Variants in REEP3 observed in about 807,000 individuals in gnomAD.
The protein encoded by REEP3 is receptor accessory protein 3.
In REEP3, 20 loss-of-function variants were observed where a neutral mutation model predicts 41.3. The observed-to-expected ratio is 0.48, with a 90% CI of 0.34 to 0.70. REEP3 has a LOEUF of 0.70. Among genes scored for constraint, REEP3 ranks in the 30% least tolerant of loss-of-function variants. The pLI is 0.01. For synonymous variants in REEP3, 104 were observed against 101.8 expected (o/e 1.02, Z -0.13); for missense variants, 271 against 308.8 (o/e 0.88, Z 0.92).
intron 6 of REEP3, among the ~76,000 whole-genome samples, chr10:63,611,459 G>T (rs1363116172): frequency 6.6e-6 from 1 of 152,118 alleles, no homozygotes; most frequent in Non-Finnish European, 1.5e-5. Context: ...TTATGAACAT[G>T]TCATAGTTAA....
intron 2 of REEP3, among the ~76,000 whole-genome samples, chr10:63,573,453 C>T (rs1046263966): frequency 3.9e-5 from 6 of 152,078 alleles, no homozygotes; most frequent in African/African-American, 1.4e-4. Flanking sequence ...TGTTCTTATT[C>T]TAAGAATGTT....
chr10:63,559,831 A>G (rs935836962), intron 1 of REEP3, among the ~76,000 whole-genome samples: 10 of 152,208 alleles, frequency 6.6e-5, no homozygotes, highest in African/African-American at 2.4e-4. Context: ...TCGTAGCATT[A>G]GTTAAAATAG....
rs1251182086 is a variant in REEP3 at position 63,521,421 on chromosome 10, G to A, written c.-125G>A. 8.6e-6 allele frequency: 3 copies of A among 347,654 alleles called. No individual in the cohort carries two copies. Among genetic ancestry groups the A allele is most frequent in the Non-Finnish European group, 1.3e-5 (3 of 233,138 alleles). 21.5% of individuals were successfully genotyped at this position (347,654 alleles called of 1,614,324 possible). ...CGCGCACACACCGGGCCCGGCTCCTGAGGGCGCCAGCGCGGCCCCGGGGAG... is the reference window on the plus strand; with the variant it reads ...CGCGCACACACCGGGCCCGGCTCCTAAGGGCGCCAGCGCGGCCCCGGGGAG... On this transcript the variant is annotated 5_prime_UTR_variant, in exon 1 of 8. Coordinates refer to ENST00000373758, the MANE Select transcript of REEP3 (RefSeq NM_001001330.3).
intron 1 of REEP3, among the ~76,000 whole-genome samples, chr10:63,543,679 G>A (rs1385715563): frequency 6.6e-6 from 1 of 151,892 alleles, no homozygotes; most frequent in African/African-American, 2.4e-5. Context: ...TATTCTTTCT[G>A]CAAGTATTTA....
intron 6 of REEP3, among the ~76,000 whole-genome samples, chr10:63,611,750 T>A (rs997997721): frequency 9.2e-5 from 14 of 151,746 alleles, no homozygotes; most frequent in African/African-American, 3.4e-4. Context: ...AAACTGTTCC[T>A]TCTTAAAAAA....
chr10:63,594,921 T>G lies in REEP3; in HGVS notation c.182+67T>G, dbSNP rs1025004263. 5 of 973,600 alleles carry G rather than the reference T, an allele frequency of 5.1e-6. No homozygotes were observed. In the Admixed American group the frequency reaches 7.1e-5, roughly 14 times the overall value. The allele number at this position is 973,600 out of a possible 1,614,324, so 60.3% of individuals were successfully genotyped here. A position where few individuals can be genotyped will look rare whatever the true frequency, so the allele number is the denominator to read the frequency against. On this transcript the variant is annotated intron_variant, in intron 3 of 7. Coordinates refer to ENST00000373758, the MANE Select transcript of REEP3 (RefSeq NM_001001330.3). The stretch of plus-strand genomic sequence containing the variant: ...AATCAGGTGTCCTAAGTTCTTATCC[T>G]GCTCTTGCTATTAACTGAGTGATTT...
rs889190192 is a variant in REEP3 at position 63,551,053 on chromosome 10, T to G, written c.33-15285T>G. On this transcript the variant is annotated intron_variant, in intron 1 of 7. Coordinates refer to ENST00000373758, the MANE Select transcript of REEP3 (RefSeq NM_001001330.3). ...CAACAACACTCCAGTAGTACAAGAA[T>G]AGCTAGTGTCCAGATCTTGGTTTCA... Among the ~76,000 whole-genome samples, 18 of 152,278 alleles carry G rather than the reference T, an allele frequency of 1.2e-4. No homozygotes were observed. In the East Asian group the frequency reaches 3.5e-3, roughly 29 times the overall value.
chr10:63,578,911 A>G (rs1223424325), intron 2 of REEP3, among the ~76,000 whole-genome samples: 2 of 152,114 alleles, frequency 1.3e-5, no homozygotes, highest in African/African-American at 4.8e-5. Context: ...ATTTCTTTAT[A>G]AACCTAATTT....
At chr10:63,574,376 T>C (rs1197115333) in intron 2 of REEP3, among the ~76,000 whole-genome samples, 1 of 152,210 alleles carries the variant, frequency 6.6e-6, no homozygotes, top group Admixed American at 6.5e-5. Context: ...GTGCACAATG[T>C]CTGGAAACAG....
At chr10:63,562,114 C>T (rs979686917) in intron 1 of REEP3, among the ~76,000 whole-genome samples, 4 of 151,928 alleles carry the variant, frequency 2.6e-5, no homozygotes, top group African/African-American at 7.3e-5. Flanking sequence ...AGCTCCTGTG[C>T]GGTGGAGGAG....
At chr10:63,607,979 C>T (rs936409771) in intron 5 of REEP3, among the ~76,000 whole-genome samples, 1 of 152,136 alleles carries the variant, frequency 6.6e-6, no homozygotes, top group African/African-American at 2.4e-5. Context: ...CCTTGGAAAT[C>T]GCATGTGAAT....
intron 2 of REEP3, among the ~76,000 whole-genome samples, chr10:63,568,408 A>G (rs1363837381): frequency 6.6e-6 from 1 of 151,686 alleles, no homozygotes; most frequent in Non-Finnish European, 1.5e-5. Flanking sequence ...CTGGGACTAC[A>G]GGCGCCCGCC....
rs1041440776 is a variant in REEP3, at chr10:63,576,252, A to G, written c.105+9842A>G. ...GAGTGATCTGACTAGACTATAGAATATTTTCCTGTGGCTGCCATAAGGACG... is the reference window on the plus strand; with the variant it reads ...GAGTGATCTGACTAGACTATAGAATGTTTTCCTGTGGCTGCCATAAGGACG... On this transcript the variant is annotated intron_variant, in intron 2 of 7. Coordinates refer to ENST00000373758, the MANE Select transcript of REEP3 (RefSeq NM_001001330.3). Among the ~76,000 whole-genome samples the G allele has an allele frequency of 5.3e-5, 8 of 152,072 alleles. No individual in the cohort carries two copies. The East Asian group carries it at 1.5e-3, about 29-fold the overall frequency.
At chr10:63,589,324 C>G (rs1589878351) in intron 2 of REEP3, among the ~76,000 whole-genome samples, 1 of 152,138 alleles carries the variant, frequency 6.6e-6, no homozygotes. Flanking sequence ...CTTCTATTTT[C>G]CCCTCCAGTG....
intron 1 of REEP3, chr10:63,562,905 G>A: frequency 2.2e-6 from 1 of 456,452 alleles, no homozygotes; most frequent in South Asian, 1.5e-5. Flanking sequence ...GCATCAGAAT[G>A]TGACTACGTT....
intron 2 of REEP3, among the ~76,000 whole-genome samples, chr10:63,579,934 T>C (rs1955934291): frequency 6.6e-6 from 1 of 152,182 alleles, no homozygotes; most frequent in Non-Finnish European, 1.5e-5. Flanking sequence ...AGGCAGCCAG[T>C]GTTTGCCTTC....
chr10:63,582,466 C>A (rs150972470), intron 2 of REEP3, among the ~76,000 whole-genome samples: 11 of 152,282 alleles, frequency 7.2e-5, no homozygotes, highest in Middle Eastern at 6.8e-3. Context: ...CTCAGGCAAC[C>A]CTTCACTACA....
chr10:63,606,320 C>G lies in REEP3; in HGVS notation c.418-3867C>G, dbSNP rs538506991. On this transcript the variant is annotated intron_variant, in intron 5 of 7. Coordinates refer to ENST00000373758, the MANE Select transcript of REEP3 (RefSeq NM_001001330.3). ...TTTCTTTCTCTCTCTCTGTCTCTCTCTTTCTCCCTCTCTTTGTTTCTTTCT... is the reference window on the plus strand; with the variant it reads ...TTTCTTTCTCTCTCTCTGTCTCTCTGTTTCTCCCTCTCTTTGTTTCTTTCT... Among the ~76,000 whole-genome samples the G allele has an allele frequency of 4.7e-5, 7 of 148,342 alleles. No homozygotes were observed. The East Asian group carries it at 1.4e-3, about 30-fold the overall frequency.
intron 1 of REEP3, among the ~76,000 whole-genome samples, chr10:63,552,161 T>C (rs978580043): frequency 1.3e-5 from 2 of 152,022 alleles, no homozygotes; most frequent in Non-Finnish European, 2.9e-5. Flanking sequence ...TCCCAGCACT[T>C]TGGGAGGCCG....
Sources: gnomAD v4.1 joint callset for allele counts (sites outside exome capture counted in the v4.1 genomes callset) on GRCh38, gnomAD v4.1.1 for gene constraint, MANE v1.5 for transcripts, NCBI Gene and HGNC (gene_info 2026-07-23, HGNC 2026-07-21) for gene names.